TMEM123: variants seen among roughly 807,000 people sequenced by gnomAD.
TMEM123 encodes the protein porimin.
TMEM123 carries 16 observed loss-of-function variants against 19.7 expected under a neutral mutation model. The ratio of observed to expected loss-of-function variants is 0.81; its 90% CI spans 0.55 to 1.23. TMEM123 has a LOEUF of 1.23. Ranked by LOEUF, TMEM123 falls within the 50% of genes most tolerant of loss-of-function variation. The pLI is 0.00. For synonymous variants in TMEM123, 118 were observed against 99.4 expected (o/e 1.19, Z -1.12); for missense variants, 313 against 257.8 (o/e 1.21, Z -1.47).
chr11:102,398,673 A>AGAT lies in TMEM123; in HGVS notation c.*191_*193dup. On this transcript the variant is annotated 3_prime_UTR_variant, in exon 5 of 5. Coordinates refer to ENST00000398136, the MANE Select transcript of TMEM123 (RefSeq NM_052932.3). ...TTGTATGAACGGTCTATAAGGATCC[A>AGAT]GATGTTTATTTCAAAACCCAAACCC... The AGAT allele has an allele frequency of 3.4e-6, 2 of 591,276 alleles. No homozygotes were observed. Among genetic ancestry groups the AGAT allele is most frequent in the East Asian group, 6.2e-5 (2 of 32,118 alleles). The allele number at this position is 591,276 out of a possible 1,614,324, so 36.6% of individuals were successfully genotyped here.
chr11:102,397,394 G>GAGAT lies in TMEM123; in HGVS notation c.*1469_*1472dup, dbSNP rs1951866489. ...CTGGTGTGATTCACTTTGGCCCTCT[G>GAGAT]AGATAGAAATGCCATCTTAGTATTT... On this transcript the variant is annotated 3_prime_UTR_variant, in exon 5 of 5. Transcript: ENST00000398136. The GAGAT allele has an allele frequency of 1.3e-5, 2 of 152,134 alleles. No individual in the cohort carries two copies. Among genetic ancestry groups the GAGAT allele is most frequent in the African/African-American group, 4.8e-5 (2 of 41,440 alleles). 9.4% of individuals were successfully genotyped at this position (152,134 alleles called of 1,614,324 possible).
chr11:102,408,144 C>CAA lies in TMEM123; in HGVS notation c.158-5940_158-5939dup, dbSNP rs577891969. ...AACTTCTCTATTTAACTCCTGGTTTCAACTAACATAATTACAGGAAAAATG... is the reference window on the plus strand; with the variant it reads ...AACTTCTCTATTTAACTCCTGGTTTCAAAACTAACATAATTACAGGAAAAATG... On this transcript the variant is annotated intron_variant, in intron 2 of 4. Coordinates refer to ENST00000398136, the MANE Select transcript of TMEM123 (RefSeq NM_052932.3). 6.0e-3 allele frequency among the ~76,000 whole-genome samples: 911 copies of CAA among 152,258 alleles called. 2 individuals carry two copies. Among genetic ancestry groups the CAA allele is most frequent in the Non-Finnish European group, 0.01 (682 of 68,006 alleles).
At chr11:102,422,230 G>A (rs766249432) in intron 2 of TMEM123, among the ~76,000 whole-genome samples, 2 of 152,146 alleles carry the variant, frequency 1.3e-5, no homozygotes, top group Non-Finnish European at 2.9e-5. Context: ...CCCCAACACA[G>A]TGGGAGGCCA....
Position 102,398,575 on chromosome 11 carries a change from G to A in TMEM123, c.*292C>T. The A allele has an allele frequency of 2.0e-6, 1 of 499,670 alleles. No individual in the cohort carries two copies. Among genetic ancestry groups the A allele is most frequent in the Non-Finnish European group, 3.4e-6 (1 of 290,828 alleles). 31.0% of individuals were successfully genotyped at this position (499,670 alleles called of 1,614,324 possible). On this transcript the variant is annotated 3_prime_UTR_variant, in exon 5 of 5. Coordinates refer to ENST00000398136, the MANE Select transcript of TMEM123 (RefSeq NM_052932.3). ...CGTCTTTCAATTACTGGTCATATGTGACCAATGCCCCCACCCCAGCCAAAA... is the reference window on the plus strand; with the variant it reads ...CGTCTTTCAATTACTGGTCATATGTAACCAATGCCCCCACCCCAGCCAAAA...
chr11:102,410,256 A>G (rs1951992976), intron 2 of TMEM123, among the ~76,000 whole-genome samples: 1 of 151,838 alleles, frequency 6.6e-6, no homozygotes, highest in Non-Finnish European at 1.5e-5. Context: ...CAACCGAGAC[A>G]TAGTTCAGGT....
At chr11:102,446,545 TG>T (rs1857885007) in intron 2 of TMEM123, among the ~76,000 whole-genome samples, 1 of 152,254 alleles carries the variant, frequency 6.6e-6, no homozygotes, top group Non-Finnish European at 1.5e-5. Flanking sequence ...ATTAGTGTTT[TG>T]ATAAGGCAAG....
chr11:102,411,002 C>T (rs1229653781), intron 2 of TMEM123, among the ~76,000 whole-genome samples: 1 of 152,038 alleles, frequency 6.6e-6, no homozygotes, highest in Non-Finnish European at 1.5e-5. Flanking sequence ...TGGTTCCTGG[C>T]ACAGAGTTTC....
chr11:102,438,765 A>T (rs1355739418), intron 2 of TMEM123, among the ~76,000 whole-genome samples: 1 of 152,156 alleles, frequency 6.6e-6, no homozygotes, highest in East Asian at 1.9e-4. Context: ...CAGCCCACAG[A>T]GCGTAAGCCG....
At chr11:102,433,602 G>A (rs1490995411) in intron 2 of TMEM123, among the ~76,000 whole-genome samples, 3 of 151,844 alleles carry the variant, frequency 2.0e-5, no homozygotes, top group African/African-American at 7.2e-5. Context: ...TTAAGACTTT[G>A]GAAGACTGTT....
At chr11:102,447,999 C>T (rs1857901376) in intron 2 of TMEM123, among the ~76,000 whole-genome samples, 1 of 152,020 alleles carries the variant, frequency 6.6e-6, no homozygotes, top group Admixed American at 6.6e-5. Context: ...GTATATTTTG[C>T]CACAAAATAA....
At chr11:102,416,999 A>G (rs768425734) in intron 2 of TMEM123, among the ~76,000 whole-genome samples, 14 of 152,212 alleles carry the variant, frequency 9.2e-5, no homozygotes, top group Non-Finnish European at 1.5e-4. Context: ...CCTCAAAATA[A>G]TAAGATCCAT....
intron 2 of TMEM123, among the ~76,000 whole-genome samples, chr11:102,417,111 T>C (rs1952049107): frequency 6.6e-6 from 1 of 152,096 alleles, no homozygotes; most frequent in Non-Finnish European, 1.5e-5. Context: ...TCACCACTCC[T>C]ATTCAAGACA....
intron 2 of TMEM123, among the ~76,000 whole-genome samples, chr11:102,442,540 G>A (rs958343318): frequency 6.6e-6 from 1 of 152,080 alleles, no homozygotes; most frequent in African/African-American, 2.4e-5. Context: ...TTGATGGAAC[G>A]TATCTCAAAA....
intron 4 of TMEM123, among the ~76,000 whole-genome samples, chr11:102,400,007 T>C (rs1400028787): frequency 6.8e-6 from 1 of 146,228 alleles, no homozygotes; most frequent in African/African-American, 2.4e-5. Context: ...TTATCATTTT[T>C]GTTTAAGTAT....
chr11:102,404,154 G>A (rs1951934296), intron 2 of TMEM123, among the ~76,000 whole-genome samples: 1 of 152,010 alleles, frequency 6.6e-6, no homozygotes, highest in South Asian at 2.1e-4. Flanking sequence ...CCCCCAGTGA[G>A]AGCAGTACCA....
At chr11:102,407,231 G>A (rs983354581) in intron 2 of TMEM123, among the ~76,000 whole-genome samples, 4 of 152,216 alleles carry the variant, frequency 2.6e-5, no homozygotes, top group Non-Finnish European at 4.4e-5. Context: ...TTCTAAGCCC[G>A]AAGTAGGCCT....
At chr11:102,450,446 T>C (rs907751126) in intron 1 of TMEM123, among the ~76,000 whole-genome samples, 1 of 152,248 alleles carries the variant, frequency 6.6e-6, no homozygotes, top group Non-Finnish European at 1.5e-5. Flanking sequence ...CAATAAATCC[T>C]GTTTGCTGAT....
intron 2 of TMEM123, among the ~76,000 whole-genome samples, chr11:102,409,551 TA>T (rs963670644): frequency 0.013 from 1,958 of 145,496 alleles, 41 homozygotes; most frequent in African/African-American, 0.045. Flanking sequence ...AAATCTAGAT[TA>T]AAAAAAAAAA....
At chr11:102,435,972 T>C (rs1857758549) in intron 2 of TMEM123, among the ~76,000 whole-genome samples, 1 of 151,778 alleles carries the variant, frequency 6.6e-6, no homozygotes, top group Non-Finnish European at 1.5e-5. Context: ...AACATACCTG[T>C]GAATATACTA....
Sources: allele counts gnomAD v4.1 joint callset (sites outside exome capture counted in the v4.1 genomes callset), GRCh38; gene constraint gnomAD v4.1.1; transcripts MANE v1.5; gene names NCBI Gene and HGNC (gene_info 2026-07-23, HGNC 2026-07-21).